The following ERC1 variants were observed in gnomAD, a reference collection of about 807,000 sequenced individuals.
ERC1 encodes the protein RAB6 interacting protein 2.
ERC1 carries 56 observed loss-of-function variants against 132.0 expected under a neutral mutation model. The ratio of observed to expected loss-of-function variants is 0.42; its 90% CI spans 0.34 to 0.53. ERC1 has a LOEUF of 0.53. Ranked by LOEUF, ERC1 falls within the 20% of genes least tolerant of loss-of-function variation. ERC1 has a pLI of 0.03. For synonymous variants in ERC1, 478 were observed against 476.1 expected, an observed-to-expected ratio of 1.00 and a Z score of -0.05; for missense variants, 1,202 against 1,349.9, an observed-to-expected ratio of 0.89 and a Z score of 1.72.
intron 18 of ERC1, among the ~76,000 whole-genome samples, chr12:1,460,152 G>T (rs7976604): frequency 5.9e-5 from 9 of 151,938 alleles, no homozygotes; most frequent in Non-Finnish European, 1.3e-4. Flanking sequence ...GATGTTTCCC[G>T]CATCCTTCTA....
intron 16 of ERC1, among the ~76,000 whole-genome samples, chr12:1,379,649 G>A (rs918142277): frequency 6.6e-6 from 1 of 152,198 alleles, no homozygotes; most frequent in Admixed American, 6.5e-5. Flanking sequence ...CTGAGGGTCA[G>A]GAATTTGCAG....
At chr12:1,335,527 A>G (rs1007230261) in intron 15 of ERC1, among the ~76,000 whole-genome samples, 1 of 151,808 alleles carries the variant, frequency 6.6e-6, no homozygotes, top group Non-Finnish European at 1.5e-5. Flanking sequence ...GTGCTGAATC[A>G]CATTGATTTT....
intron 14 of ERC1, among the ~76,000 whole-genome samples, chr12:1,272,346 C>T (rs915937093): frequency 7.2e-5 from 11 of 152,304 alleles, no homozygotes; most frequent in East Asian, 1.9e-4. Flanking sequence ...AGAGAAATGT[C>T]GTATTTATAG....
intron 12 of ERC1, among the ~76,000 whole-genome samples, chr12:1,198,924 C>A (rs1011068643): frequency 6.8e-6 from 1 of 148,090 alleles, no homozygotes; most frequent in Non-Finnish European, 1.5e-5. Context: ...GCCCCACCTC[C>A]AACACTGGGG....
chr12:1,339,098 G>A (rs1048671546), intron 15 of ERC1, among the ~76,000 whole-genome samples: 8 of 151,930 alleles, frequency 5.3e-5, no homozygotes, highest in Non-Finnish European at 8.8e-5. Context: ...CAGGTGCCAG[G>A]GTGCCTGCCC....
intron 1 of ERC1, among the ~76,000 whole-genome samples, chr12:1,019,379 G>A (rs2154144155): frequency 6.6e-6 from 1 of 152,262 alleles, no homozygotes; most frequent in South Asian, 2.1e-4. Flanking sequence ...CCTGCCTCGG[G>A]TTCCCGAAGT....
intron 1 of ERC1, among the ~76,000 whole-genome samples, chr12:1,004,182 A>G (rs1963014923): frequency 6.6e-6 from 1 of 152,162 alleles, no homozygotes; most frequent in African/African-American, 2.4e-5. Flanking sequence ...GTTTCCCTAC[A>G]GATGTTTGTT....
intron 12 of ERC1, among the ~76,000 whole-genome samples, chr12:1,222,683 A>AT (rs938939140): frequency 5.9e-5 from 9 of 152,030 alleles, no homozygotes; most frequent in African/African-American, 1.2e-4. Context: ...GATTGATAAT[A>AT]TTTTTTTTAA....
intron 10 of ERC1, 73 bp from the exon 11 acceptor site, chr12:1,183,208 A>G (rs991393141): frequency 4.0e-6 from 4 of 993,826 alleles, no homozygotes; most frequent in African/African-American, 3.3e-5. Flanking sequence ...TACAGCTACC[A>G]TGATAAATTT....
rs117691046 is a variant in ERC1 at position 1,322,181 on chromosome 12, A to C, written c.2780+32169A>C. On this transcript the variant is annotated intron_variant, in intron 15 of 18. Coordinates refer to ENST00000360905, the MANE Select transcript of ERC1 (RefSeq NM_178040.4). The stretch of plus-strand genomic sequence containing the variant: ...AATTTGTCTTTTTGAACCAAGTTTT[A>C]TCACTTAAAATGAGCATAATAATAA... 7.8e-3 allele frequency among the ~76,000 whole-genome samples: 1,186 copies of C among 152,274 alleles called. 10 individuals are homozygous for C. Among genetic ancestry groups the C allele is most frequent in the Non-Finnish European group, 0.013 (880 of 67,978 alleles).
At chr12:1,125,285 C>T (rs149487260) in intron 7 of ERC1, among the ~76,000 whole-genome samples, 95 of 152,036 alleles carry the variant, frequency 6.2e-4, no homozygotes, top group Middle Eastern at 3.4e-3. Flanking sequence ...TGAGCCACCG[C>T]GCCCAGCCCA....
intron 1 of ERC1, among the ~76,000 whole-genome samples, chr12:1,006,872 T>C (rs1358291128): frequency 6.6e-6 from 1 of 151,776 alleles, no homozygotes; most frequent in African/African-American, 2.4e-5. Context: ...AGAGTACATA[T>C]GTATTTCCTT....
chr12:1,295,155 A>G (rs1021838757), intron 15 of ERC1, among the ~76,000 whole-genome samples: 1 of 152,246 alleles, frequency 6.6e-6, no homozygotes, highest in Non-Finnish European at 1.5e-5. Context: ...ATGTGCTTGC[A>G]AAGCATGACA....
At chr12:1,451,720 A>G (rs1487313681) in intron 18 of ERC1, among the ~76,000 whole-genome samples, 1 of 152,186 alleles carries the variant, frequency 6.6e-6, no homozygotes, top group Non-Finnish European at 1.5e-5. Context: ...TCTATGTTTT[A>G]TTTGTATGAG....
At chr12:1,219,258 C>T (rs940633555) in intron 12 of ERC1, among the ~76,000 whole-genome samples, 4 of 152,128 alleles carry the variant, frequency 2.6e-5, no homozygotes, top group Non-Finnish European at 4.4e-5. Context: ...CTCCAGAATA[C>T]TCTACTTATT....
At chr12:1,241,820 A>T in intron 13 of ERC1, among the ~76,000 whole-genome samples, 1 of 142,152 alleles carries the variant, frequency 7.0e-6, no homozygotes. Flanking sequence ...TTTGTCTTTA[A>T]TCCAATTTTT....
At chr12:1,312,601 T>C (rs1265787018) in intron 15 of ERC1, among the ~76,000 whole-genome samples, 2 of 152,212 alleles carry the variant, frequency 1.3e-5, no homozygotes, top group South Asian at 2.1e-4. Context: ...TCAAGTGATC[T>C]GCCCAGTTTG....
At chr12:1,431,055 A>T (rs567857549) in intron 17 of ERC1, among the ~76,000 whole-genome samples, 1 of 152,352 alleles carries the variant, frequency 6.6e-6, no homozygotes, top group South Asian at 2.1e-4. Context: ...TCAGAAAGTT[A>T]ACTTGCCCGT....
At chr12:1,417,902 A>G (rs1269897460) in intron 17 of ERC1, among the ~76,000 whole-genome samples, 2 of 152,212 alleles carry the variant, frequency 1.3e-5, no homozygotes, top group Non-Finnish European at 2.9e-5. Flanking sequence ...TAAGTGCCAA[A>G]CACTAAGTTG....
Sources: gnomAD v4.1 joint callset for allele counts (sites outside exome capture counted in the v4.1 genomes callset) on GRCh38, gnomAD v4.1.1 for gene constraint, MANE v1.5 for transcripts, NCBI Gene and HGNC (gene_info 2026-07-23, HGNC 2026-07-21) for gene names.